Variants in MSI2 observed in about 807,000 individuals in gnomAD.
The protein encoded by MSI2 is musashi RNA binding protein 2.
Under a neutral mutation model 45.6 loss-of-function variants are expected in MSI2, and 17 were observed. That is an observed-to-expected ratio of 0.37 (90% CI 0.26 to 0.56). The LOEUF (loss-of-function observed/expected upper bound fraction) is 0.56, where lower values mean the gene tolerates loss of function less well. Among genes scored for constraint, MSI2 ranks in the 20% least tolerant of loss-of-function variants. The pLI is 0.77. For missense variants in MSI2, 293 were observed against 444.2 expected (o/e 0.66, Z 3.06); for synonymous variants, 156 against 158.2 (o/e 0.99, Z 0.11).
chr17:57,341,054 G>C (rs986383475), intron 5 of MSI2, among the ~76,000 whole-genome samples: 1 of 152,170 alleles, frequency 6.6e-6, no homozygotes, highest in Non-Finnish European at 1.5e-5. Context: ...CTGCCCCAGG[G>C]CTGGTGTGAG....
At chr17:57,661,471 G>C (rs141142697) in intron 11 of MSI2, among the ~76,000 whole-genome samples, 3 of 152,188 alleles carry the variant, frequency 2.0e-5, no homozygotes, top group African/African-American at 7.2e-5. Context: ...AGGGAGGTTC[G>C]TATTCTTCAT....
intron 10 of MSI2, chr17:57,632,660 TC>T: frequency 5.6e-6 from 6 of 1,066,056 alleles, no homozygotes; most frequent in Non-Finnish European, 5.7e-6. Context: ...AAGGATCTTT[TC>T]CCATGGCTTG....
intron 6 of MSI2, among the ~76,000 whole-genome samples, chr17:57,494,015 C>T (rs944113526): frequency 2.0e-5 from 3 of 152,142 alleles, no homozygotes; most frequent in East Asian, 1.9e-4. Flanking sequence ...CTTGTACCCT[C>T]GGGGTTCTGC....
Position 57,293,600 on chromosome 17 carries a change from T to TTTG in MSI2, c.312+31410_312+31411insGTT, listed in dbSNP as rs967841433. 4.6e-4 allele frequency among the ~76,000 whole-genome samples: 63 copies of TTTG among 137,118 alleles called. 1 individual carries two copies. The highest frequency in any genetic ancestry group is 5.1e-4 in the Non-Finnish European group (34 of 67,058). The allele number at this position is 137,118 out of a possible 152,430, so 90.0% of individuals were successfully genotyped here. A position where few individuals can be genotyped will look rare whatever the true frequency, so the allele number is the denominator to read the frequency against. ...CAGTGCTTTATTGTTTTTTTGTTTT[T>TTTG]TTTTTTGTTTTTTTTTGTTTTTTTT... is the stretch of plus-strand genomic sequence containing the variant. On this transcript the variant is annotated intron_variant, in intron 5 of 13. Coordinates refer to ENST00000284073, the MANE Select transcript of MSI2 (RefSeq NM_138962.4).
chr17:57,297,789 A>G (rs556150066), intron 5 of MSI2, among the ~76,000 whole-genome samples: 1 of 152,290 alleles, frequency 6.6e-6, no homozygotes, highest in South Asian at 2.1e-4. Context: ...CTTCCCAACA[A>G]CGTGCACATC....
chr17:57,256,572 C>T lies in MSI2; in HGVS notation c.-171C>T, dbSNP rs1284763929. 1.8e-5 allele frequency: 7 copies of T among 386,852 alleles called. No homozygotes were observed. Among genetic ancestry groups the T allele is most frequent in the African/African-American group, 1.4e-4 (6 of 42,922 alleles). The allele number at this position is 386,852 out of a possible 1,614,324, so 24.0% of individuals were successfully genotyped here. On this transcript the variant is annotated 5_prime_UTR_variant, in exon 1 of 14. Coordinates refer to ENST00000284073, the MANE Select transcript of MSI2 (RefSeq NM_138962.4). ...AGCCGAGCCCACGTGTGACGGCTCT[C>T]GCCGCTGCCCCGGCTCCGCCGCTCG...
At chr17:57,664,071 C>T (rs942630743) in intron 11 of MSI2, among the ~76,000 whole-genome samples, 18 of 152,088 alleles carry the variant, frequency 1.2e-4, no homozygotes, top group Non-Finnish European at 2.5e-4. Flanking sequence ...AGACTTGGTT[C>T]CAGGCCTGCT....
At position 57,524,185 on chromosome 17, in the gene MSI2, G is replaced by A. The variant is rs376636795; in HGVS notation, c.406-5491G>A. Among the ~76,000 whole-genome samples the A allele has an allele frequency of 3.9e-5, 6 of 152,314 alleles. No individual in the cohort carries two copies. The East Asian group carries it at 1.2e-3, about 29-fold the overall frequency. On this transcript the variant is annotated intron_variant, in intron 6 of 13. Coordinates refer to ENST00000284073, the MANE Select transcript of MSI2 (RefSeq NM_138962.4). ...CAGAGGTGCAAGAGAGAACAAGCAGGAACTTGCAAATCCTCTTAAGGCTAG... is the reference window on the plus strand; with the variant it reads ...CAGAGGTGCAAGAGAGAACAAGCAGAAACTTGCAAATCCTCTTAAGGCTAG...
At chr17:57,439,086 G>T (rs554574994) in intron 6 of MSI2, among the ~76,000 whole-genome samples, 69 of 152,284 alleles carry the variant, frequency 4.5e-4, no homozygotes, top group African/African-American at 1.6e-3. Flanking sequence ...GAATTTTGTT[G>T]TATGTCTGTT....
intron 11 of MSI2, among the ~76,000 whole-genome samples, chr17:57,673,361 T>C (rs959096244): frequency 6.6e-6 from 1 of 152,192 alleles, no homozygotes; most frequent in African/African-American, 2.4e-5. Flanking sequence ...TCTTTGCCTC[T>C]GCCATTGAAG....
chr17:57,267,780 A>G (rs374842570), intron 5 of MSI2: 1 of 152,224 alleles, frequency 6.6e-6, no homozygotes, highest in East Asian at 1.9e-4. Flanking sequence ...TGCATGGAAC[A>G]CAGTCTCGAC....
intron 5 of MSI2, chr17:57,274,331 A>C (rs1908668242): frequency 6.6e-6 from 1 of 152,174 alleles, no homozygotes; most frequent in Non-Finnish European, 1.5e-5. Flanking sequence ...TTGCTCTGCC[A>C]CTGCAGCTGT....
At chr17:57,619,521 C>A (rs1908080732) in intron 9 of MSI2, among the ~76,000 whole-genome samples, 3 of 152,164 alleles carry the variant, frequency 2.0e-5, no homozygotes, top group South Asian at 2.1e-4. Context: ...AAGGCAGGGG[C>A]CTTCCATTCG....
At chr17:57,389,716 C>T (rs991820758) in intron 5 of MSI2, among the ~76,000 whole-genome samples, 3 of 152,192 alleles carry the variant, frequency 2.0e-5, no homozygotes, top group Admixed American at 2.0e-4. Flanking sequence ...TGGTCTTTCT[C>T]AGGACTCAGC....
chr17:57,504,205 C>T (rs545653693), intron 6 of MSI2, among the ~76,000 whole-genome samples: 4 of 152,306 alleles, frequency 2.6e-5, no homozygotes, highest in Admixed American at 1.3e-4. Flanking sequence ...GCAGGGCACC[C>T]TCCCTTCCCG....
intron 10 of MSI2, chr17:57,632,025 A>C (rs1385051414): frequency 7.4e-7 from 1 of 1,358,290 alleles, no homozygotes; most frequent in South Asian, 2.0e-5. Context: ...AATTAAAAAA[A>C]AATTATTCTC....
At chr17:57,293,768 C>T (rs899536642) in intron 5 of MSI2, among the ~76,000 whole-genome samples, 10 of 151,742 alleles carry the variant, frequency 6.6e-5, no homozygotes, top group African/African-American at 1.5e-4. Context: ...GCCACCACAC[C>T]CGGCTAATTT....
chr17:57,346,809 G>A (rs1190356822), intron 5 of MSI2, among the ~76,000 whole-genome samples: 18 of 152,242 alleles, frequency 1.2e-4, no homozygotes, highest in Admixed American at 3.3e-4. Context: ...GTTTTGCCAT[G>A]TTGTCCAGGC....
intron 5 of MSI2, among the ~76,000 whole-genome samples, chr17:57,383,808 C>T (rs970942597): frequency 6.6e-6 from 1 of 152,176 alleles, no homozygotes; most frequent in Non-Finnish European, 1.5e-5. Context: ...ATAAATCTTT[C>T]AATGCCATCA....
Sources: allele counts gnomAD v4.1 joint callset (sites outside exome capture counted in the v4.1 genomes callset), GRCh38; gene constraint gnomAD v4.1.1; transcripts MANE v1.5; gene names NCBI Gene and HGNC (gene_info 2026-07-23, HGNC 2026-07-21).